Variants in DACH2 observed in about 807,000 individuals in gnomAD.
The protein encoded by DACH2 is dachshund homolog 2.
In DACH2, 17 loss-of-function variants were observed where a neutral mutation model predicts 35.8. That is an observed-to-expected ratio of 0.48 (90% CI 0.33 to 0.71). The LOEUF (loss-of-function observed/expected upper bound fraction) is 0.71. Ranked by LOEUF, DACH2 falls within the 30% of genes least tolerant of loss-of-function variation. DACH2 has a pLI of 0.02. For missense variants in DACH2, 469 were observed against 472.7 expected (o/e 0.99, Z 0.07); for synonymous variants, 195 against 177.3 (o/e 1.10, Z -0.79).
chrX:86,405,351 C>A (rs754609270), intron 2 of DACH2, among the ~76,000 whole-genome samples: 29 of 111,454 alleles, frequency 2.6e-4, no homozygotes, highest in African/African-American at 8.5e-4. Context: ...TGCATATACC[C>A]TAAATTATCT....
chrX:86,364,814 T>G (rs1171626829), intron 1 of DACH2, among the ~76,000 whole-genome samples: 1 of 111,526 alleles, frequency 9.0e-6, no homozygotes, highest in African/African-American at 3.3e-5. Context: ...TGAGAACTGA[T>G]GAAACTTTAG....
chrX:86,269,349 G>T (rs1252039291), intron 1 of DACH2, among the ~76,000 whole-genome samples: 2 of 111,747 alleles, frequency 1.8e-5, no homozygotes, highest in African/African-American at 6.5e-5. Flanking sequence ...TGGCTGGATA[G>T]AACTCCTTTG....
chrX:86,604,567 A>G (rs1049225438), intron 3 of DACH2, among the ~76,000 whole-genome samples: 1 of 111,940 alleles, frequency 8.9e-6, no homozygotes, highest in African/African-American at 3.2e-5. Context: ...CTTGTATAGT[A>G]GGCAAAATTC....
intron 2 of DACH2, among the ~76,000 whole-genome samples, chrX:86,482,171 G>A (rs933069805): frequency 9.0e-6 from 1 of 111,632 alleles, no homozygotes; most frequent in Admixed American, 9.5e-5. Context: ...CCACAAAAAT[G>A]TATAGTATTT....
In DACH2 at chrX:86,244,416, G is replaced by A. The variant is rs2033235265; in HGVS notation, c.488+95308G>A. On this transcript the variant is annotated intron_variant, in intron 1 of 11. Transcript: ENST00000373125. ...TAGATGGAGGTGTAAGCAGTGTGTT[G>A]TGGCAGAAGGAAGAATAGAAGACAG... 8.9e-5 allele frequency among the ~76,000 whole-genome samples: 10 copies of A among 112,214 alleles called. No homozygotes were observed. The South Asian group carries it at 3.7e-3, about 42-fold the overall frequency.
chrX:86,823,180 C>T (rs190459879), intron 11 of DACH2, among the ~76,000 whole-genome samples: 1 of 111,386 alleles, frequency 9.0e-6, no homozygotes, highest in Admixed American at 9.6e-5. Flanking sequence ...GGTAATCCAC[C>T]CGCCTCAGCC....
chrX:86,736,907 G>A (rs191226251), intron 6 of DACH2, among the ~76,000 whole-genome samples: 10 of 111,365 alleles, frequency 9.0e-5, no homozygotes, highest in African/African-American at 3.3e-4. Context: ...AATTTTCAGG[G>A]TTGGAATTCA....
intron 1 of DACH2, among the ~76,000 whole-genome samples, chrX:86,170,556 C>T (rs931756099): frequency 8.9e-6 from 1 of 111,947 alleles, no homozygotes; most frequent in Admixed American, 9.4e-5. Flanking sequence ...CCTCAAATCA[C>T]AAGACTTAGT....
At chrX:86,245,276 A>G (rs1050153934) in intron 1 of DACH2, among the ~76,000 whole-genome samples, 4 of 111,710 alleles carry the variant, frequency 3.6e-5, no homozygotes, top group Non-Finnish European at 5.6e-5. Flanking sequence ...CAGAGCCACA[A>G]CTGGTGCAAG....
intron 3 of DACH2, among the ~76,000 whole-genome samples, chrX:86,612,597 C>T (rs1256122270): frequency 8.9e-6 from 1 of 111,821 alleles, no homozygotes; most frequent in Non-Finnish European, 1.9e-5. Flanking sequence ...GTTGGCAGCA[C>T]TAAACTCCCA....
rs762030599 is a variant in DACH2 at position 86,520,082 on chromosome X, C to A, written c.640+5691C>A. On this transcript the variant is annotated intron_variant, in intron 3 of 11. Coordinates refer to ENST00000373125, the MANE Select transcript of DACH2 (RefSeq NM_053281.3). ...CTCTTAATACCGCCTTAGCTTTGTC[C>A]CAGAGATTCTGGTGTGTTGTGTCTT... is the stretch of plus-strand genomic sequence containing the variant. Among the ~76,000 whole-genome samples, 9 of 111,232 alleles carry A rather than the reference C, an allele frequency of 8.1e-5. No individual in the cohort carries two copies. In the South Asian group the frequency reaches 2.6e-3, roughly 32 times the overall value.
chrX:86,682,021 T>G (rs1000709912), intron 4 of DACH2, among the ~76,000 whole-genome samples: 4 of 111,347 alleles, frequency 3.6e-5, no homozygotes, highest in African/African-American at 1.3e-4. Flanking sequence ...TCATATCATT[T>G]ATATTTTAAA....
intron 3 of DACH2, among the ~76,000 whole-genome samples, chrX:86,609,999 A>G (rs1008181230): frequency 4.5e-5 from 5 of 111,588 alleles, no homozygotes; most frequent in African/African-American, 1.6e-4. Flanking sequence ...CTGGGAATTT[A>G]CAATCAGCAG....
At chrX:86,324,820 A>G (rs2035083495) in intron 1 of DACH2, among the ~76,000 whole-genome samples, 1 of 108,861 alleles carries the variant, frequency 9.2e-6, no homozygotes, top group Non-Finnish European at 1.9e-5. Flanking sequence ...CTCGTGAGCC[A>G]CTGTTGTCTT....
chrX:86,326,091 G>A (rs927386097), intron 1 of DACH2, among the ~76,000 whole-genome samples: 1 of 111,523 alleles, frequency 9.0e-6, no homozygotes, highest in African/African-American at 3.3e-5. Context: ...CTACTCCCTT[G>A]AACTTCTCCA....
At chrX:86,444,284 C>T (rs901441480) in intron 2 of DACH2, among the ~76,000 whole-genome samples, 1 of 110,750 alleles carries the variant, frequency 9.0e-6, no homozygotes, top group Non-Finnish European at 1.9e-5. Context: ...GAGACAGGGT[C>T]TTGCTATGTT....
chrX:86,783,593 A>G (rs1439857943), intron 7 of DACH2, among the ~76,000 whole-genome samples: 2 of 112,258 alleles, frequency 1.8e-5, no homozygotes, highest in Admixed American at 1.9e-4. Context: ...ATGATAAGGA[A>G]TGAGATCTTG....
chrX:86,406,405 G>A (rs962719209), intron 2 of DACH2, among the ~76,000 whole-genome samples: 10 of 111,566 alleles, frequency 9.0e-5, no homozygotes, highest in African/African-American at 3.3e-4. Flanking sequence ...GAATTAGGGA[G>A]GTTGAAAAAC....
intron 1 of DACH2, among the ~76,000 whole-genome samples, chrX:86,202,065 A>G (rs2032170243): frequency 8.9e-6 from 1 of 111,859 alleles, no homozygotes; most frequent in Admixed American, 9.6e-5. Flanking sequence ...TCCTGCCTTC[A>G]CTAGATTATA....
Sources: allele counts gnomAD v4.1 joint callset (sites outside exome capture counted in the v4.1 genomes callset), GRCh38; gene constraint gnomAD v4.1.1; transcripts MANE v1.5; gene names NCBI Gene and HGNC (gene_info 2026-07-23, HGNC 2026-07-21).